The following SIPA1L3 variants were observed in gnomAD, a reference collection of about 807,000 sequenced individuals.
SIPA1L3 encodes signal-induced proliferation-associated 1-like protein 3.
Under a neutral mutation model 150.1 loss-of-function variants are expected in SIPA1L3, and 59 were observed. The observed-to-expected ratio is 0.39, with a 90% CI of 0.32 to 0.49. SIPA1L3 has a LOEUF of 0.49. SIPA1L3 is among the 20% of genes least tolerant of loss of function. The probability of loss-of-function intolerance (pLI) is 0.86; values close to 1 mark genes in which losing one functional copy is unlikely to be tolerated. For missense variants in SIPA1L3, 2,211 were observed against 2,489.5 expected, an observed-to-expected ratio of 0.89 and a Z score of 2.38; for synonymous variants, 1,070 against 1,077.6, an observed-to-expected ratio of 0.99 and a Z score of 0.14.
chr19:37,930,023 A>AG (rs933889027), intron 1 of SIPA1L3, among the ~76,000 whole-genome samples: 4 of 102,336 alleles, frequency 3.9e-5, no homozygotes, highest in South Asian at 3.6e-4. Flanking sequence ...CGTGCCTGGC[A>AG]AATTTTTTTT....
chr19:38,150,003 C>T (rs1223716964), intron 12 of SIPA1L3, among the ~76,000 whole-genome samples: 8 of 152,150 alleles, frequency 5.3e-5, no homozygotes, highest in South Asian at 4.1e-4. Context: ...ATCAACACTC[C>T]GAACTCCAGC....
intron 7 of SIPA1L3, 196 bp from the exon 8 acceptor site, chr19:38,110,031 G>A: frequency 1.7e-6 from 1 of 582,678 alleles, no homozygotes; most frequent in Non-Finnish European, 3.1e-6. Flanking sequence ...TCTGGCCATG[G>A]TGAGGCCTTT....
intron 1 of SIPA1L3, chr19:37,908,096 C>T (rs2046349957): frequency 6.6e-6 from 1 of 152,340 alleles, no homozygotes; most frequent in African/African-American, 2.4e-5. Context: ...GTGCTTAGCA[C>T]AGCAGCTGGC....
At chr19:38,131,300 G>A (rs855616) in intron 10 of SIPA1L3, among the ~76,000 whole-genome samples, 15,679 of 152,248 alleles carry the variant, frequency 0.1, 2,419 homozygotes, top group African/African-American at 0.33. Flanking sequence ...GCTGCAGCAC[G>A]ATGGGAGAGC....
intron 1 of SIPA1L3, among the ~76,000 whole-genome samples, chr19:38,001,033 ATC>A (rs1425654444): frequency 3.3e-5 from 5 of 150,262 alleles, no homozygotes; most frequent in Non-Finnish European, 7.4e-5. Context: ...ACACACATAT[ATC>A]ACACATATAT....
intron 2 of SIPA1L3, among the ~76,000 whole-genome samples, chr19:38,077,839 G>A (rs1386341939): frequency 6.6e-6 from 1 of 151,326 alleles, no homozygotes; most frequent in East Asian, 1.9e-4. Flanking sequence ...CCCAGCTAAC[G>A]TTTCTATTTT....
chr19:38,103,771 G>A lies in SIPA1L3; in HGVS notation c.2029+2545G>A, dbSNP rs145518294. ...ACACCGTCTCTACTAAAATACAGGC[G>A]AGCGCCTGTAGTCCCAGCTACTCTG... On this transcript the variant is annotated intron_variant, in intron 6 of 21. Coordinates refer to ENST00000222345, the MANE Select transcript of SIPA1L3 (RefSeq NM_015073.3). Among the ~76,000 whole-genome samples, 1,022 of 150,800 alleles carry A rather than the reference G, an allele frequency of 6.8e-3. 11 individuals are homozygous for A. The highest frequency in any genetic ancestry group is 0.024 in the African/African-American group (975 of 41,140).
intron 9 of SIPA1L3, among the ~76,000 whole-genome samples, chr19:38,127,077 A>G (rs112498842): frequency 0.014 from 2,079 of 152,276 alleles, 26 homozygotes; most frequent in Middle Eastern, 0.058. Context: ...CTGTGATCCC[A>G]GCTACTTGGG....
chr19:37,944,320 C>T (rs1405563551), intron 1 of SIPA1L3, among the ~76,000 whole-genome samples: 2 of 151,704 alleles, frequency 1.3e-5, no homozygotes, highest in Admixed American at 1.3e-4. Flanking sequence ...ATTGTCTTGA[C>T]CTAGTGGCCT....
chr19:38,088,988 C>G (rs1305574161), intron 4 of SIPA1L3, 137 bp downstream of exon 4: 2 of 882,818 alleles, frequency 2.3e-6, no homozygotes, highest in East Asian at 2.8e-5. Context: ...TCCTGTTAGT[C>G]TCTCCATCTC....
chr19:38,049,853 C>G (rs376691198), intron 2 of SIPA1L3, among the ~76,000 whole-genome samples: 1 of 152,094 alleles, frequency 6.6e-6, no homozygotes, highest in East Asian at 1.9e-4. Flanking sequence ...TTTCACCAAT[C>G]CGAAGGGTGT....
chr19:38,205,504 C>A (rs918435498), intron 21 of SIPA1L3, among the ~76,000 whole-genome samples: 15 of 151,124 alleles, frequency 9.9e-5, no homozygotes, highest in Non-Finnish European at 1.9e-4. Context: ...TCTATTGTTT[C>A]TATACTTCTG....
intron 8 of SIPA1L3, among the ~76,000 whole-genome samples, chr19:38,113,961 G>A (rs978899469): frequency 2.0e-5 from 3 of 152,012 alleles, no homozygotes; most frequent in Non-Finnish European, 4.4e-5. Context: ...TGCAGCCTGT[G>A]GACTCTCAAA....
intron 1 of SIPA1L3, among the ~76,000 whole-genome samples, chr19:37,911,548 G>A (rs946062037): frequency 2.7e-5 from 4 of 148,012 alleles, no homozygotes; most frequent in African/African-American, 7.5e-5. Context: ...TTGCTCTATC[G>A]CCCAGGCTGG....
At chr19:37,912,838 A>G (rs891876278) in intron 1 of SIPA1L3, among the ~76,000 whole-genome samples, 1 of 152,190 alleles carries the variant, frequency 6.6e-6, no homozygotes, top group East Asian at 1.9e-4. Context: ...AGAAAAAGTT[A>G]TATTGCAGGG....
At chr19:38,014,849 G>A (rs1028037144) in intron 1 of SIPA1L3, among the ~76,000 whole-genome samples, 1 of 151,618 alleles carries the variant, frequency 6.6e-6, no homozygotes, top group Middle Eastern at 3.2e-3. Context: ...TTTTGTATTT[G>A]TAGTAGAGAC....
chr19:38,023,334 G>A lies in SIPA1L3; in HGVS notation c.-378-5755G>A, dbSNP rs376493801. 5.9e-5 allele frequency among the ~76,000 whole-genome samples: 9 copies of A among 152,270 alleles called. No individual in the cohort carries two copies. The East Asian group carries it at 1.5e-3, about 26-fold the overall frequency. The stretch of plus-strand genomic sequence containing the variant: ...CCAACCTTAGTCGTGTTTGTAGACC[G>A]CATCAATCCGCAAAAGAACCAGCGC... On this transcript the variant is annotated intron_variant, in intron 1 of 21. Coordinates refer to ENST00000222345, the MANE Select transcript of SIPA1L3 (RefSeq NM_015073.3).
intron 15 of SIPA1L3, among the ~76,000 whole-genome samples, chr19:38,175,585 C>G (rs537883169): frequency 6.6e-6 from 1 of 152,152 alleles, no homozygotes; most frequent in Admixed American, 6.6e-5. Flanking sequence ...GCCCCTCCCC[C>G]GCTACCACCA....
At chr19:38,124,378 A>T (rs1395904713) in intron 9 of SIPA1L3, among the ~76,000 whole-genome samples, 1 of 142,738 alleles carries the variant, frequency 7.0e-6, no homozygotes, top group Non-Finnish European at 1.5e-5. Flanking sequence ...GGCGGGGCAG[A>T]GGCGCTCCCC....
Sources: gnomAD v4.1 joint callset for allele counts (sites outside exome capture counted in the v4.1 genomes callset) on GRCh38, gnomAD v4.1.1 for gene constraint, MANE v1.5 for transcripts, NCBI Gene and HGNC (gene_info 2026-07-23, HGNC 2026-07-21) for gene names.